The following HDC variants were observed in gnomAD, a reference collection of about 807,000 sequenced individuals.
HDC encodes the protein histidine decarboxylase.
In HDC, 27 loss-of-function variants were observed where a neutral mutation model predicts 64.4. The ratio of observed to expected loss-of-function variants is 0.42; its 90% CI spans 0.31 to 0.58. The LOEUF (loss-of-function observed/expected upper bound fraction) is 0.58, where lower values mean the gene tolerates loss of function less well. Ranked by LOEUF, HDC falls within the 20% of genes least tolerant of loss-of-function variation. The pLI is 0.16. For synonymous variants in HDC, 305 were observed against 314.2 expected (o/e 0.97, Z 0.31); for missense variants, 711 against 833.9 (o/e 0.85, Z 1.81).
intron 9 of HDC, among the ~76,000 whole-genome samples, chr15:50,250,414 T>TGG (rs2045538821): frequency 1.3e-5 from 2 of 152,136 alleles, no homozygotes; most frequent in Non-Finnish European, 2.9e-5. Flanking sequence ...CAGTGCCTTC[T>TGG]GGGTGGAGAG....
rs143418383 is a variant in HDC, at chr15:50,248,286, G to A, written c.1099C>T (p.Arg367Trp). The A allele has an allele frequency of 5.6e-6, 9 of 1,614,032 alleles. No individual in the cohort carries two copies. The highest frequency in any genetic ancestry group is 4.5e-5 in the East Asian group (2 of 44,880). ...FRSVKLWFVI[R>W]SFGVKNLQAH... ...TGAAGATTCTTCACCCCGAAGGACC[G>A]AATCACGAACCAGAGTTTAACAGAG... The change falls in exon 10 of 12, where the codon CGG becomes TGG. Residue 367 changes from arginine (R) to tryptophan (W), a missense_variant. By Grantham distance (101) the Arg-to-Trp change is moderately radical. Around this residue, in one of 3 missense-constraint regions of HDC, gnomAD observed 483 missense variants for 540.9 expected, o/e 0.89. Transcript: ENST00000267845. The surrounding 1 kb of genome is among the most constrained non-coding windows in gnomAD (Gnocchi z 4.3).
At chr15:50,255,264 G>A (rs908943592) in intron 4 of HDC, among the ~76,000 whole-genome samples, 2 of 152,198 alleles carry the variant, frequency 1.3e-5, no homozygotes, top group African/African-American at 4.8e-5. Context: ...GGCCATGATT[G>A]TGGAAATCTT....
chr15:50,260,178 T>C (rs769885270), intron 2 of HDC, among the ~76,000 whole-genome samples: 26 of 152,064 alleles, frequency 1.7e-4, no homozygotes, highest in Non-Finnish European at 3.8e-4. Context: ...CCCACCACCA[T>C]GCCTGGCTAA....
At position 50,254,251 on chromosome 15, in the gene HDC, G is replaced by A; in HGVS notation, c.599C>T (p.Ala200Val). 1 of 1,614,102 alleles carries A rather than the reference G, an allele frequency of 6.2e-7. No homozygotes were observed. Among genetic ancestry groups the A allele is most frequent in the Non-Finnish European group, 8.5e-7 (1 of 1,180,014 alleles). Residue 200 changes from alanine (A) to valine (V), a missense_variant, in exon 6 of 12, where the codon GCT becomes GTT. Physicochemically the swap from Ala to Val is moderately conservative, Grantham distance 64. Around this residue, in one of 3 missense-constraint regions of HDC, gnomAD observed 225 missense variants for 276.2 expected, o/e 0.81. Coordinates refer to ENST00000267845, the MANE Select transcript of HDC (RefSeq NM_002112.4). Reference sequence around the variant, plus strand: ...CATCTTCACAAGGGAAATCAAACCAGCCTTTTCCACAGAGGAGTGAGCCTA... The same window carrying A: ...CATCTTCACAAGGGAAATCAAACCAACCTTTTCCACAGAGGAGTGAGCCTA... The part of the protein sequence containing the change: ...SDQAHSSVEK[A>V]GLISLVKMKF...
intron 1 of HDC, among the ~76,000 whole-genome samples, chr15:50,265,003 G>T (rs2045749145): frequency 6.6e-6 from 1 of 152,204 alleles, no homozygotes; most frequent in Non-Finnish European, 1.5e-5. Flanking sequence ...TGAGTAGGAG[G>T]ATATAAAACA....
In HDC at chr15:50,242,925, C is replaced by T. The variant is rs913753206; in HGVS notation, c.1324G>A (p.Asp442Asn). 2 of 1,614,018 alleles carry T rather than the reference C, an allele frequency of 1.2e-6. No homozygotes were observed. Among genetic ancestry groups the T allele is most frequent in the Non-Finnish European group, 1.7e-6 (2 of 1,180,034 alleles). Residue 442 changes from aspartate to asparagine, a missense_variant, in exon 12 of 12, where the codon GAC becomes AAC. This residue lies in a region of HDC where 483 missense variants were observed against 540.9 expected (regional missense o/e 0.89). Transcript: ENST00000267845. The part of the protein sequence containing the change: ...RLFLIPATIQ[D>N]KLIIRFTVTS... ...ACAGTGAAACGGATGATTAACTTGT[C>T]CTGGATAGTGGCCGGGATGAGGAAG...
At chr15:50,258,184 C>T (rs2045656686) in intron 3 of HDC, among the ~76,000 whole-genome samples, 1 of 152,084 alleles carries the variant, frequency 6.6e-6, no homozygotes. Flanking sequence ...TTGCTTAAGC[C>T]TCGATTTCTT....
intron 1 of HDC, among the ~76,000 whole-genome samples, chr15:50,265,019 G>T (rs970345516): frequency 1.4e-4 from 21 of 152,356 alleles, no homozygotes; most frequent in African/African-American, 4.3e-4. Context: ...AAACATTATA[G>T]AAATAGACAT....
At chr15:50,260,267 C>G (rs539047930) in intron 2 of HDC, among the ~76,000 whole-genome samples, 2 of 152,112 alleles carry the variant, frequency 1.3e-5, no homozygotes, top group South Asian at 4.2e-4. Context: ...ATGATCCACC[C>G]GCCTCAGCCT....
At chr15:50,259,054 C>T (rs556036547) in intron 2 of HDC, among the ~76,000 whole-genome samples, 15 of 151,964 alleles carry the variant, frequency 9.9e-5, no homozygotes, top group Non-Finnish European at 2.1e-4. Flanking sequence ...CCCAGCTACT[C>T]AGGAGGCTGA....
intron 2 of HDC, among the ~76,000 whole-genome samples, chr15:50,260,251 G>T (rs914187460): frequency 2.6e-5 from 4 of 152,232 alleles, no homozygotes; most frequent in Admixed American, 2.6e-4. Flanking sequence ...TCGAACTCCT[G>T]ACCTCATGAT....
At chr15:50,253,102 C>T (rs2045580547) in intron 7 of HDC, 2 of 439,152 alleles carry the variant, frequency 4.6e-6, no homozygotes, top group Non-Finnish European at 8.4e-6. Context: ...TGTCAGTGCA[C>T]CGAATACAAA....
chr15:50,263,291 C>T lies in HDC; in HGVS notation c.148G>A (p.Asp50Asn). ...RAQLPESAPE[D>N]PDSWDSIFGD... ...AAGATGCTGTCCCAGCTGTCGGGGT[C>T]CTCAGGAGCACTCTCAGGCAGCTGG... is the stretch of plus-strand genomic sequence containing the variant. The change falls in exon 2 of 12, where the codon GAC (aspartate) becomes AAC (asparagine). Residue 50 changes from aspartate to asparagine, a missense_variant. Physicochemically the swap from Asp to Asn is conservative, Grantham distance 23. Coordinates refer to ENST00000267845, the MANE Select transcript of HDC (RefSeq NM_002112.4). 6.2e-7 allele frequency: 1 copy of T among 1,614,194 alleles called. No individual in the cohort carries two copies. The highest frequency in any genetic ancestry group is 8.5e-7 in the Non-Finnish European group (1 of 1,180,042).
At chr15:50,261,768 G>A (rs1037169833) in intron 2 of HDC, among the ~76,000 whole-genome samples, 5 of 150,104 alleles carry the variant, frequency 3.3e-5, no homozygotes, top group African/African-American at 4.9e-5. Context: ...GGAGTGCAAC[G>A]GCGCTATCTC....
chr15:50,253,636 A>C lies in HDC; in HGVS notation c.751T>G (p.Cys251Gly). The stretch of plus-strand genomic sequence containing the variant: ...AGCTCTGACAGGCAGTCAAATGCAC[A>C]GACCCCAGTGGTCCCTAGTGTTGCA... Reference protein sequence around the residue: ...VCATLGTTGVCAFDCLSELGP... With the variant: ...VCATLGTTGVGAFDCLSELGP... Residue 251 changes from cysteine (C) to glycine (G), a missense_variant, in exon 7 of 12, where the codon TGT (cysteine) becomes GGT (glycine). This residue lies in a region of HDC where 483 missense variants were observed against 540.9 expected (regional missense o/e 0.89). Transcript: ENST00000267845. 1.2e-6 allele frequency: 2 copies of C among 1,613,806 alleles called. No homozygotes were observed. Among genetic ancestry groups the C allele is most frequent in the Non-Finnish European group, 1.7e-6 (2 of 1,180,026 alleles).
chr15:50,242,941 G>T lies in HDC; in HGVS notation c.1308C>A (p.Ile436=). ...EIAKAGRLFL[I]PATIQDKLII... is the part of the protein sequence containing the mutation. ...TTAACTTGTCCTGGATAGTGGCCGG[G>T]ATGAGGAAGAGACGGCCAGCTTTAG... The change falls in exon 12 of 12, where the codon ATC becomes ATA. Residue 436 remains isoleucine, a synonymous_variant. Transcript: ENST00000267845. 6.2e-7 allele frequency: 1 copy of T among 1,613,952 alleles called. No individual in the cohort carries two copies. The highest frequency in any genetic ancestry group is 8.5e-7 in the Non-Finnish European group (1 of 1,179,852).
chr15:50,256,025 C>A (rs1225677040), intron 4 of HDC, among the ~76,000 whole-genome samples: 1 of 152,164 alleles, frequency 6.6e-6, no homozygotes, highest in African/African-American at 2.4e-5. Context: ...AGACAGGCAT[C>A]AGTTTGAATC....
In HDC at chr15:50,253,613, C is replaced by T; in HGVS notation, c.774G>A (p.Glu258=). ...TGVCAFDCLS[E]LGPICAREGL... is the part of the protein sequence containing the mutation. ...GAAGATACTTACAGATGGGGCCCAG[C>T]TCTGACAGGCAGTCAAATGCACAGA... The change falls in exon 7 of 12, where the codon GAG becomes GAA. Residue 258 remains glutamate (E), a synonymous_variant. Coordinates refer to ENST00000267845, the MANE Select transcript of HDC (RefSeq NM_002112.4). 6.2e-7 allele frequency: 1 copy of T among 1,613,932 alleles called. No homozygotes were observed. The highest frequency in any genetic ancestry group is 1.1e-5 in the South Asian group (1 of 91,076).
chr15:50,252,754 G>A lies in HDC; in HGVS notation c.808C>T (p.Leu270Phe), dbSNP rs899820647. 3 of 1,613,666 alleles carry A rather than the reference G, an allele frequency of 1.9e-6. No individual in the cohort carries two copies. In the African/African-American group the frequency reaches 4.0e-5, roughly 22 times the overall value. The change falls in exon 8 of 12, where the codon CTC (leucine) becomes TTC (phenylalanine). Residue 270 changes from leucine to phenylalanine, a missense_variant. Coordinates refer to ENST00000267845, the MANE Select transcript of HDC (RefSeq NM_002112.4). ...CCTGCATAAGCAGCATCGATGTGGA[G>A]CCACAGCCCCTCACGGGCACCTGAG... ...GPICAREGLW[L>F]HIDAAYAGTA...
Sources: allele counts gnomAD v4.1 joint callset (sites outside exome capture counted in the v4.1 genomes callset), GRCh38; gene constraint gnomAD v4.1.1; regional missense constraint gnomAD v4.1.1; non-coding constraint Gnocchi (gnomAD v3.1); transcripts MANE v1.5; gene names NCBI Gene and HGNC (gene_info 2026-07-23, HGNC 2026-07-21).